The following EPB41L4A variants were observed in gnomAD, a reference collection of about 807,000 sequenced individuals.
The protein encoded by EPB41L4A is erythrocyte membrane protein band 4.1 like 4A.
EPB41L4A carries 100 observed loss-of-function variants against 108.6 expected under a neutral mutation model. The observed-to-expected ratio is 0.92, with a 90% CI of 0.78 to 1.09. The LOEUF (loss-of-function observed/expected upper bound fraction) is 1.09. Ranked by LOEUF, EPB41L4A falls within the 50% of genes least tolerant of loss-of-function variation. The pLI is 0.00. For synonymous variants in EPB41L4A, 319 were observed against 289.0 expected, an observed-to-expected ratio of 1.10 and a Z score of -1.05; for missense variants, 1,030 against 842.7, an observed-to-expected ratio of 1.22 and a Z score of -2.75.
intron 17 of EPB41L4A, among the ~76,000 whole-genome samples, chr5:112,185,091 CCTT>C (rs758439017): frequency 3.3e-4 from 23 of 69,482 alleles, no homozygotes; most frequent in Non-Finnish European, 5.5e-4. Flanking sequence ...TGCTGTGAAG[CCTT>C]TTTTTTTTTT....
intron 15 of EPB41L4A, among the ~76,000 whole-genome samples, chr5:112,199,215 A>G (rs989827242): frequency 1.3e-5 from 2 of 152,196 alleles, no homozygotes; most frequent in Non-Finnish European, 2.9e-5. Context: ...AACCGTTTCA[A>G]TGGAAGATGC....
chr5:112,275,434 C>T (rs1470344272), intron 3 of EPB41L4A, 30 bp from the exon 4 acceptor site: 2 of 1,506,112 alleles, frequency 1.3e-6, no homozygotes, highest in Non-Finnish European at 1.8e-6. Context: ...TTAAATTTCA[C>T]TAAAATCATA....
chr5:112,298,366 C>T (rs1198137168), intron 2 of EPB41L4A, among the ~76,000 whole-genome samples: 1 of 152,044 alleles, frequency 6.6e-6, no homozygotes, highest in Non-Finnish European at 1.5e-5. Flanking sequence ...CCCTCGTATG[C>T]CAATTTTGCT....
intron 1 of EPB41L4A, among the ~76,000 whole-genome samples, chr5:112,353,411 A>G (rs1237369569): frequency 6.6e-6 from 1 of 152,118 alleles, no homozygotes; most frequent in African/African-American, 2.4e-5. Context: ...CATGACATGG[A>G]CAATGGAAGC....
At chr5:112,294,799 G>C (rs1753887155) in intron 2 of EPB41L4A, among the ~76,000 whole-genome samples, 1 of 152,042 alleles carries the variant, frequency 6.6e-6, no homozygotes, top group Non-Finnish European at 1.5e-5. Flanking sequence ...GCAAGAAAAG[G>C]AGCTCAAGAT....
At chr5:112,215,655 C>T (rs1747574913) in intron 12 of EPB41L4A, among the ~76,000 whole-genome samples, 1 of 147,612 alleles carries the variant, frequency 6.8e-6, no homozygotes, top group South Asian at 2.2e-4. Flanking sequence ...CCCAGCTACT[C>T]GGGAGGGTGA....
intron 12 of EPB41L4A, among the ~76,000 whole-genome samples, chr5:112,150,257 A>C (rs1759413883): frequency 6.6e-6 from 1 of 151,628 alleles, no homozygotes; most frequent in Non-Finnish European, 1.5e-5. Context: ...TTAATTTCCA[A>C]ACAACATCAG....
intron 4 of EPB41L4A, 28 bp downstream of exon 4, chr5:112,275,298 C>T (rs1430003009): frequency 1.5e-5 from 23 of 1,523,782 alleles, no homozygotes; most frequent in African/African-American, 2.8e-5. Context: ...ATGCATGTAT[C>T]TGTTCAAAAA....
At chr5:112,268,834 C>T (rs1752053227) in intron 4 of EPB41L4A, among the ~76,000 whole-genome samples, 1 of 97,254 alleles carries the variant, frequency 1.0e-5, no homozygotes, top group South Asian at 4.5e-4. Context: ...CAGAATAAGA[C>T]CTTCTCTCAA....
rs1975014 is a variant in EPB41L4A, at chr5:112,164,707, C to T, written c.*283G>A. The T allele has an allele frequency of 0.1, 21,024 of 205,164 alleles. 1,210 individuals carry two copies. The highest frequency in any genetic ancestry group is 0.12 in the South Asian group (1,009 of 8,116). 12.7% of individuals were successfully genotyped at this position (205,164 alleles called of 1,614,324 possible). A position where few individuals can be genotyped will look rare whatever the true frequency, so the allele number is the denominator to read the frequency against. ...AGAATTAGCCGGGTGTTGTGGTGCA[C>T]GCCTGTAATCCCAGCTGCTCGGGAG... On this transcript the variant is annotated 3_prime_UTR_variant, in exon 23 of 23. Transcript: ENST00000261486.
chr5:112,372,831 G>A (rs2112554243), intron 1 of EPB41L4A, among the ~76,000 whole-genome samples: 1 of 152,294 alleles, frequency 6.6e-6, no homozygotes, highest in South Asian at 2.1e-4. Flanking sequence ...ACAGATAGGA[G>A]ATTGTTACAG....
chr5:112,266,157 T>C (rs1374452406), intron 5 of EPB41L4A, 76 bp downstream of exon 5: 15 of 1,003,150 alleles, frequency 1.5e-5, no homozygotes, highest in Middle Eastern at 4.3e-4. Flanking sequence ...AGAGTTTTAG[T>C]ATGTAAACTC....
At chr5:112,273,534 A>G (rs1314800658) in intron 4 of EPB41L4A, among the ~76,000 whole-genome samples, 2 of 152,222 alleles carry the variant, frequency 1.3e-5, no homozygotes, top group African/African-American at 2.4e-5. Flanking sequence ...ATACATCTAG[A>G]AAAAGGATAG....
intron 4 of EPB41L4A, among the ~76,000 whole-genome samples, chr5:112,273,997 A>G (rs942204586): frequency 1.3e-5 from 2 of 152,124 alleles, no homozygotes; most frequent in African/African-American, 4.8e-5. Context: ...TGGTTCTAAA[A>G]ATGAGGTCTA....
chr5:112,336,368 T>C (rs2150681592), intron 1 of EPB41L4A, among the ~76,000 whole-genome samples: 1 of 152,234 alleles, frequency 6.6e-6, no homozygotes, highest in South Asian at 2.1e-4. Flanking sequence ...ATGTCACTGG[T>C]TGGGGGCGGG....
chr5:112,249,072 A>G (rs1750450727), intron 9 of EPB41L4A: 1 of 152,128 alleles, frequency 6.6e-6, no homozygotes, highest in Non-Finnish European at 1.5e-5. Flanking sequence ...ATCACTGAAG[A>G]GCAAAAGAGA....
intron 2 of EPB41L4A, among the ~76,000 whole-genome samples, chr5:112,285,691 T>TG (rs1302487269): frequency 2.0e-5 from 3 of 152,174 alleles, no homozygotes; most frequent in Non-Finnish European, 4.4e-5. Context: ...ATGGACCATG[T>TG]GGCTTCTCAT....
chr5:112,196,461 T>C (rs149478385), intron 15 of EPB41L4A, among the ~76,000 whole-genome samples: 489 of 152,360 alleles, frequency 3.2e-3, no homozygotes, highest in Non-Finnish European at 6.1e-3. Context: ...AAGCTGTTAT[T>C]GCTTATTCAA....
At chr5:112,153,155 G>T (rs1664235762) in intron 12 of EPB41L4A, among the ~76,000 whole-genome samples, 2 of 151,948 alleles carry the variant, frequency 1.3e-5, no homozygotes, top group Admixed American at 6.6e-5. Context: ...GAAGGTGGAG[G>T]TTGCAGTGAG....
Sources: gnomAD v4.1 joint callset for allele counts (sites outside exome capture counted in the v4.1 genomes callset) on GRCh38, gnomAD v4.1.1 for gene constraint, MANE v1.5 for transcripts, NCBI Gene and HGNC (gene_info 2026-07-23, HGNC 2026-07-21) for gene names.